CYP2C18: variants seen among roughly 807,000 people sequenced by gnomAD.
The protein encoded by CYP2C18 is cytochrome P450 2C18.
CYP2C18 carries 38 observed loss-of-function variants against 41.3 expected under a neutral mutation model. The ratio of observed to expected loss-of-function variants is 0.92; its 90% confidence interval spans 0.71 to 1.21. The LOEUF is 1.21. CYP2C18 is among the 50% of genes most tolerant of loss of function. The pLI, the probability that CYP2C18 is intolerant of heterozygous loss-of-function variation, is 0.00. For missense variants in CYP2C18, 635 were observed against 591.4 expected (o/e 1.07, Z -0.77); for synonymous variants, 236 against 210.0 (o/e 1.12, Z -1.07).
At chr10:94,703,630 G>A (rs771970483) in intron 4 of CYP2C18, among the ~76,000 whole-genome samples, 1 of 152,166 alleles carries the variant, frequency 6.6e-6, no homozygotes, top group Non-Finnish European at 1.5e-5. Context: ...TGCTGTGCTG[G>A]CAGTGAGAAT....
chr10:94,704,091 C>T (rs749334690), intron 4 of CYP2C18, among the ~76,000 whole-genome samples: 11 of 152,074 alleles, frequency 7.2e-5, no homozygotes, highest in Non-Finnish European at 1.2e-4. Flanking sequence ...TGAGATGAAC[C>T]GGGCACCTCA....
At chr10:94,691,806 G>T (rs971929755) in intron 3 of CYP2C18, among the ~76,000 whole-genome samples, 16 of 152,142 alleles carry the variant, frequency 1.1e-4, no homozygotes, top group African/African-American at 3.9e-4. Context: ...AAACAGCATG[G>T]TACTGGTACC....
chr10:94,732,343 A>C (rs1376603960), intron 7 of CYP2C18, among the ~76,000 whole-genome samples: 2 of 152,214 alleles, frequency 1.3e-5, no homozygotes, highest in South Asian at 2.1e-4. Flanking sequence ...AAGGCTGTGG[A>C]GAAAAGGGAA....
Position 94,694,929 on chromosome 10 carries a change from A to T in CYP2C18, c.494A>T (p.Asp165Val). ...ELRKTNASPCDPTFILGCAPC... is the reference protein window; with the variant it reads ...ELRKTNASPCVPTFILGCAPC... ...TCCAATCCTTTAGCCTCACCCTGTG[A>T]TCCCACTTTCATCCTGGGCTGTGCT... The change falls in exon 4 of 9, where the codon GAT (aspartate) becomes GTT (valine). Residue 165 changes from aspartate to valine, a missense_variant. Coordinates refer to ENST00000285979, the MANE Select transcript of CYP2C18 (RefSeq NM_000772.3). 1 of 1,612,154 alleles carries T rather than the reference A, an allele frequency of 6.2e-7. No homozygotes were observed. Among genetic ancestry groups the T allele is most frequent in the Non-Finnish European group, 8.5e-7 (1 of 1,179,612 alleles).
At chr10:94,697,324 T>G (rs1847136403) in intron 4 of CYP2C18, among the ~76,000 whole-genome samples, 1 of 152,192 alleles carries the variant, frequency 6.6e-6, no homozygotes, top group African/African-American at 2.4e-5. Context: ...GGGGCCAATA[T>G]TCAACATTCT....
chr10:94,703,550 A>C (rs924466626), intron 4 of CYP2C18, among the ~76,000 whole-genome samples: 1 of 152,052 alleles, frequency 6.6e-6, no homozygotes, highest in Non-Finnish European at 1.5e-5. Flanking sequence ...AAAACCGCCT[A>C]CTCACACCTC....
chr10:94,712,737 C>A (rs1009019143), intron 5 of CYP2C18, among the ~76,000 whole-genome samples: 2 of 152,092 alleles, frequency 1.3e-5, no homozygotes, highest in African/African-American at 2.4e-5. Context: ...TGTTGTAATT[C>A]TATTTTTAGT....
intron 5 of CYP2C18, among the ~76,000 whole-genome samples, chr10:94,716,407 A>G (rs1847543784): frequency 6.6e-6 from 1 of 152,172 alleles, no homozygotes; most frequent in Non-Finnish European, 1.5e-5. Flanking sequence ...GGTTTCAAGA[A>G]CATCTTTATT....
chr10:94,728,681 T>A, intron 7 of CYP2C18: 1 of 755,240 alleles, frequency 1.3e-6, no homozygotes, highest in African/African-American at 1.9e-5. Context: ...AAGTCATTTT[T>A]AATTAGATCA....
At chr10:94,727,002 C>A (rs1008052203) in intron 7 of CYP2C18, among the ~76,000 whole-genome samples, 6 of 151,974 alleles carry the variant, frequency 3.9e-5, no homozygotes, top group Admixed American at 2.6e-4. Flanking sequence ...GCCACAGGTA[C>A]CTATTGAGCA....
intron 7 of CYP2C18, among the ~76,000 whole-genome samples, chr10:94,731,331 G>A (rs1370243309): frequency 2.0e-5 from 3 of 151,554 alleles, no homozygotes; most frequent in African/African-American, 7.3e-5. Flanking sequence ...AGTGAGCAGA[G>A]ATCACACTAT....
At chr10:94,702,249 T>A (rs1847259507) in intron 4 of CYP2C18, among the ~76,000 whole-genome samples, 1 of 152,144 alleles carries the variant, frequency 6.6e-6, no homozygotes, top group African/African-American at 2.4e-5. Context: ...TTTGTGATGT[T>A]CCTGTATTTC....
At chr10:94,727,895 C>G (rs1287319161) in intron 7 of CYP2C18, among the ~76,000 whole-genome samples, 1 of 152,070 alleles carries the variant, frequency 6.6e-6, no homozygotes, top group Non-Finnish European at 1.5e-5. Context: ...CACCTAAGTA[C>G]TTCAGTATAT....
chr10:94,692,583 C>T (rs1357862668), intron 3 of CYP2C18, among the ~76,000 whole-genome samples: 1 of 152,152 alleles, frequency 6.6e-6, no homozygotes, highest in Non-Finnish European at 1.5e-5. Context: ...GGACTGTAAA[C>T]TAGTTTAACC....
At position 94,733,362 on chromosome 10, in the gene CYP2C18, G is replaced by T; in HGVS notation, c.1215G>T (p.Glu405Asp). The T allele has an allele frequency of 6.2e-7, 1 of 1,613,450 alleles. No individual in the cohort carries two copies. The highest frequency in any genetic ancestry group is 8.5e-7 in the Non-Finnish European group (1 of 1,179,592). Reference sequence around the variant, plus strand: ...ATGACAAAGAATTCCCCAACCCAGAGATGTTTGACCCTGGCCACTTTCTGG... The same window carrying T: ...ATGACAAAGAATTCCCCAACCCAGATATGTTTGACCCTGGCCACTTTCTGG... ...LHNDKEFPNP[E>D]MFDPGHFLDK... Residue 405 changes from glutamate to aspartate, a missense_variant, in exon 8 of 9, where the codon GAG (glutamate) becomes GAT (aspartate). Physicochemically the swap from Glu to Asp is conservative, Grantham distance 45. Transcript: ENST00000285979.
intron 2 of CYP2C18, 59 bp downstream of exon 2, chr10:94,687,991 G>T: frequency 6.3e-7 from 1 of 1,597,956 alleles, no homozygotes; most frequent in East Asian, 2.2e-5. Context: ...AGTGGCTATA[G>T]GGATGGGGAG....
At chr10:94,717,083 G>A (rs1225289499) in intron 5 of CYP2C18, among the ~76,000 whole-genome samples, 1 of 151,986 alleles carries the variant, frequency 6.6e-6, no homozygotes, top group Non-Finnish European at 1.5e-5. Context: ...GTCTCTGTAT[G>A]TGAGACAGGT....
intron 7 of CYP2C18, among the ~76,000 whole-genome samples, chr10:94,726,559 A>G (rs1478590445): frequency 4.6e-5 from 7 of 152,060 alleles, no homozygotes; most frequent in Non-Finnish European, 1.0e-4. Flanking sequence ...CATGGTGTAT[A>G]TGTGTCATAT....
At chr10:94,725,668 GAATGTGTATAC>G (rs1346363225) in intron 7 of CYP2C18, among the ~76,000 whole-genome samples, 1 of 151,970 alleles carries the variant, frequency 6.6e-6, no homozygotes, top group Non-Finnish European at 1.5e-5. Context: ...TTTTGGTCTT[GAATGTGTATAC>G]AATTTGATCA....
Sources: allele counts gnomAD v4.1 joint callset (sites outside exome capture counted in the v4.1 genomes callset), GRCh38; gene constraint gnomAD v4.1.1; transcripts MANE v1.5; gene names NCBI Gene and HGNC (gene_info 2026-07-23, HGNC 2026-07-21).